DENND1B: variants seen among roughly 807,000 people sequenced by gnomAD.
DENND1B encodes the protein DENN domain containing 1B.
A neutral mutation model predicts 90.1 loss-of-function variants in DENND1B; 59 were observed. The ratio of observed to expected loss-of-function variants is 0.65; its 90% CI spans 0.53 to 0.81. The LOEUF (loss-of-function observed/expected upper bound fraction) is 0.81, where lower values mean the gene tolerates loss of function less well. Among genes scored for constraint, DENND1B ranks in the 40% least tolerant of loss-of-function variants. The pLI is 0.00. For missense variants in DENND1B, 862 were observed against 912.6 expected (o/e 0.94, Z 0.71); for synonymous variants, 337 against 324.6 (o/e 1.04, Z -0.41).
chr1:197,659,802 C>T (rs1432501144), intron 5 of DENND1B, among the ~76,000 whole-genome samples: 2 of 151,710 alleles, frequency 1.3e-5, no homozygotes, highest in Non-Finnish European at 2.9e-5. Flanking sequence ...GAAAAAAGCC[C>T]CTCGAAGTCC....
At chr1:197,547,182 T>A (rs757628999) in intron 16 of DENND1B, among the ~76,000 whole-genome samples, 16 of 152,028 alleles carry the variant, frequency 1.1e-4, no homozygotes, top group Admixed American at 7.2e-4. Context: ...GCCAGGGCAC[T>A]GTTTGAGCCC....
intron 7 of DENND1B, among the ~76,000 whole-genome samples, chr1:197,651,027 AATT>A (rs1653099052): frequency 6.6e-6 from 1 of 152,160 alleles, no homozygotes; most frequent in Non-Finnish European, 1.5e-5. Context: ...AAAATTAAAA[AATT>A]AATTAATTTT....
chr1:197,700,641 C>T (rs1385215966), intron 3 of DENND1B, among the ~76,000 whole-genome samples: 2 of 152,102 alleles, frequency 1.3e-5, no homozygotes, highest in Non-Finnish European at 2.9e-5. Flanking sequence ...AAACTATCAT[C>T]AGAATGAACA....
At chr1:197,635,113 G>C (rs994380155) in intron 10 of DENND1B, among the ~76,000 whole-genome samples, 5 of 152,166 alleles carry the variant, frequency 3.3e-5, no homozygotes, top group Admixed American at 3.3e-4. Flanking sequence ...ATTATTTAAA[G>C]AGACAAATGT....
At chr1:197,609,551 AT>A (rs1334310131) in intron 12 of DENND1B, among the ~76,000 whole-genome samples, 2 of 150,588 alleles carry the variant, frequency 1.3e-5, no homozygotes, top group Non-Finnish European at 3.0e-5. Context: ...GGAAATTTGT[AT>A]TTTAAAAAGA....
At chr1:197,554,832 C>CAAA (rs11440581) in intron 15 of DENND1B, among the ~76,000 whole-genome samples, 971 of 66,858 alleles carry the variant, frequency 0.015, 28 homozygotes, top group African/African-American at 0.034. Context: ...GACTCCATCT[C>CAAA]AAAAAAAAAA....
intron 2 of DENND1B, among the ~76,000 whole-genome samples, chr1:197,745,477 G>C (rs1186302537): frequency 6.6e-6 from 1 of 151,938 alleles, no homozygotes; most frequent in Non-Finnish European, 1.5e-5. Flanking sequence ...CAGCTGGTCT[G>C]GGGTGCCCCA....
intron 2 of DENND1B, among the ~76,000 whole-genome samples, chr1:197,745,642 T>TTTTAG (rs1663664280): frequency 7.2e-6 from 1 of 139,842 alleles, no homozygotes; most frequent in South Asian, 2.2e-4. Flanking sequence ...ATATATATAA[T>TTTTAG]ATATATAATA....
chr1:197,769,652 T>C (rs1331413855), intron 2 of DENND1B, among the ~76,000 whole-genome samples: 1 of 152,200 alleles, frequency 6.6e-6, no homozygotes, highest in Non-Finnish European at 1.5e-5. Flanking sequence ...TTCTCTATTA[T>C]TTAAACCAAT....
chr1:197,687,740 C>CT (rs1459229068), intron 3 of DENND1B, among the ~76,000 whole-genome samples: 1 of 151,960 alleles, frequency 6.6e-6, no homozygotes, highest in Admixed American at 6.6e-5. Context: ...GAAGTCTTTC[C>CT]TTAAGATCAG....
At chr1:197,594,515 A>G (rs1420979542) in intron 14 of DENND1B, among the ~76,000 whole-genome samples, 2 of 152,160 alleles carry the variant, frequency 1.3e-5, no homozygotes, top group African/African-American at 4.8e-5. Context: ...ATCTCTTACA[A>G]CTTATTCACC....
At chr1:197,604,492 A>AC (rs1238815293) in intron 13 of DENND1B, among the ~76,000 whole-genome samples, 2 of 151,224 alleles carry the variant, frequency 1.3e-5, no homozygotes, top group Non-Finnish European at 3.0e-5. Flanking sequence ...AGGAAAAAAG[A>AC]ACTAGTAATT....
chr1:197,605,889 AGACAGAAG>A (rs1201598970), intron 13 of DENND1B: 1 of 151,124 alleles, frequency 6.6e-6, no homozygotes, highest in East Asian at 1.9e-4. Context: ...TCCTATCATT[AGACAGAAG>A]GACAATCAAG....
intron 3 of DENND1B, chr1:197,690,531 A>T: frequency 5.0e-6 from 1 of 200,342 alleles, no homozygotes; most frequent in Non-Finnish European, 1.0e-5. Flanking sequence ...TGTTCATAAT[A>T]TGAGACAGAC....
intron 3 of DENND1B, among the ~76,000 whole-genome samples, chr1:197,701,967 T>C (rs1659077191): frequency 6.6e-6 from 1 of 152,218 alleles, no homozygotes; most frequent in African/African-American, 2.4e-5. Flanking sequence ...CCACCAAAAA[T>C]ATTGATGCTT....
intron 3 of DENND1B, among the ~76,000 whole-genome samples, chr1:197,708,140 G>C (rs562039749): frequency 1.0e-5 from 1 of 100,476 alleles, no homozygotes; most frequent in South Asian, 4.0e-4. Flanking sequence ...AGGCGGCAAC[G>C]AGGCTGGGGG....
chr1:197,585,775 T>A (rs1674643838), intron 14 of DENND1B, among the ~76,000 whole-genome samples: 2 of 152,210 alleles, frequency 1.3e-5, no homozygotes, highest in Non-Finnish European at 2.9e-5. Flanking sequence ...TTGTATATAT[T>A]AATATACAAG....
intron 18 of DENND1B, among the ~76,000 whole-genome samples, chr1:197,544,093 G>A (rs1670538801): frequency 6.6e-6 from 1 of 152,160 alleles, no homozygotes; most frequent in African/African-American, 2.4e-5. Flanking sequence ...AGTATTGAGA[G>A]AGAAATGTAC....
intron 2 of DENND1B, among the ~76,000 whole-genome samples, chr1:197,728,362 T>C (rs769113386): frequency 3.9e-5 from 6 of 152,224 alleles, no homozygotes; most frequent in Non-Finnish European, 8.8e-5. Flanking sequence ...ATATATAATG[T>C]GATATCTAAA....
Sources: gnomAD v4.1 joint callset for allele counts (sites outside exome capture counted in the v4.1 genomes callset) on GRCh38, gnomAD v4.1.1 for gene constraint, MANE v1.5 for transcripts, NCBI Gene and HGNC (gene_info 2026-07-23, HGNC 2026-07-21) for gene names.